The following CPNE1 variants were observed in gnomAD, a reference collection of about 807,000 sequenced individuals.
CPNE1 encodes the protein copine 1, also known as copine-1.
CPNE1 carries 58 observed loss-of-function variants against 63.2 expected under a neutral mutation model. That is an observed-to-expected ratio of 0.92 (90% confidence interval 0.74 to 1.14). The LOEUF is 1.14. Among genes scored for constraint, CPNE1 ranks in the 50% most tolerant of loss-of-function variants. CPNE1 has a pLI of 0.00. For missense variants in CPNE1, 672 were observed against 661.7 expected (o/e 1.02, Z -0.17); for synonymous variants, 237 against 249.0 (o/e 0.95, Z 0.45).
chr20:35,631,165 T>C lies in CPNE1; in HGVS notation c.810A>G (p.Thr270=), dbSNP rs1382566966. 1.9e-6 allele frequency: 3 copies of C among 1,613,968 alleles called. No individual in the cohort carries two copies. Among genetic ancestry groups the C allele is most frequent in the Non-Finnish European group, 2.5e-6 (3 of 1,179,956 alleles). The part of the protein sequence containing the change: ...TIRVKICRVE[T]EYSFLDYVMG... ...TCACATAGTCCAGAAAGGAGTACTC[T>C]GTTTCTACCTGCAAATGAAACCAGG... The change falls in exon 10 of 16, where the codon ACA becomes ACG. Residue 270 remains threonine (T), a synonymous_variant. Transcript: ENST00000397443.
chr20:35,651,692 C>T (rs964264376), intron 1 of CPNE1: 9 of 152,536 alleles, frequency 5.9e-5, no homozygotes, highest in Admixed American at 2.6e-4. Flanking sequence ...TTCTGGTTTT[C>T]GATACCATCC....
intron 1 of CPNE1, among the ~76,000 whole-genome samples, chr20:35,644,751 C>T (rs999780144): frequency 6.6e-6 from 1 of 152,186 alleles, no homozygotes; most frequent in African/African-American, 2.4e-5. Flanking sequence ...ATGGTCTCCC[C>T]TCATGATCTA....
chr20:35,643,573 T>C (rs2032940614), intron 1 of CPNE1: 1 of 151,952 alleles, frequency 6.6e-6, no homozygotes, highest in African/African-American at 2.4e-5. Context: ...TGAAACCCTG[T>C]CTCTACTAAA....
Position 35,626,075 on chromosome 20 carries a change from T to G in CPNE1, c.*166A>C. On this transcript the variant is annotated 3_prime_UTR_variant, in exon 16 of 16. Transcript: ENST00000397443. ...TTCACTGGTCTTTATTGAATGAGGG[T>G]TGTCAGGAGCAAAGGTGGGATCAAG... 2.7e-6 allele frequency: 2 copies of G among 738,654 alleles called. No individual in the cohort carries two copies. Among genetic ancestry groups the G allele is most frequent in the Non-Finnish European group, 4.8e-6 (2 of 420,434 alleles). The allele number at this position is 738,654 out of a possible 1,614,324, so 45.8% of individuals were successfully genotyped here. A position where few individuals can be genotyped will look rare whatever the true frequency, so the allele number is the denominator to read the frequency against.
chr20:35,654,460 A>C (rs2033762930), intron 1 of CPNE1: 3 of 1,614,088 alleles, frequency 1.9e-6, no homozygotes, highest in Non-Finnish European at 1.7e-6. Flanking sequence ...CTGAGAGTTC[A>C]TCTGGATAGG....
At chr20:35,654,964 G>C in intron 1 of CPNE1, 1 of 1,614,072 alleles carries the variant, frequency 6.2e-7, no homozygotes, top group Non-Finnish European at 8.5e-7. Flanking sequence ...TACTGTTGTG[G>C]GCAAGTTTAC....
chr20:35,638,756 T>C (rs2032633902), intron 1 of CPNE1, among the ~76,000 whole-genome samples: 1 of 152,290 alleles, frequency 6.6e-6, no homozygotes, highest in Non-Finnish European at 1.5e-5. Flanking sequence ...TTCATCAATA[T>C]GAGAACCAAT....
At chr20:35,631,647 C>A in intron 7 of CPNE1, 41 bp downstream of exon 7, 1 of 1,608,838 alleles carries the variant, frequency 6.2e-7, no homozygotes, top group Non-Finnish European at 8.5e-7. Flanking sequence ...TCCCCAGGTT[C>A]TCTTCTCCAG....
At chr20:35,655,002 TG>T (rs2033810727) in intron 1 of CPNE1, 1 of 1,614,112 alleles carries the variant, frequency 6.2e-7, no homozygotes. Context: ...AGCTAGGTGG[TG>T]GTCCTGATCT....
At chr20:35,663,486 TCA>T (rs1296230771) in intron 1 of CPNE1, among the ~76,000 whole-genome samples, 52 of 152,174 alleles carry the variant, frequency 3.4e-4, no homozygotes, top group Middle Eastern at 3.2e-3. Context: ...TCAGTTGCCA[TCA>T]CACTTTTTTC....
chr20:35,657,707 A>G (rs984510294), intron 1 of CPNE1, among the ~76,000 whole-genome samples: 7 of 152,248 alleles, frequency 4.6e-5, no homozygotes, highest in South Asian at 2.1e-4. Flanking sequence ...AGTGGAATAC[A>G]AGATTTATTC....
chr20:35,644,498 G>T (rs1244107111), intron 1 of CPNE1, among the ~76,000 whole-genome samples: 1 of 152,150 alleles, frequency 6.6e-6, no homozygotes, highest in African/African-American at 2.4e-5. Flanking sequence ...AAACCGAATG[G>T]CTAGGTTCAT....
rs1428709670 is a variant in CPNE1 at position 35,632,239 on chromosome 20, G to A, written c.385-5C>T. 6 of 1,613,906 alleles carry A rather than the reference G, an allele frequency of 3.7e-6. No individual in the cohort carries two copies. The highest frequency in any genetic ancestry group is 1.7e-5 in the Admixed American group (1 of 60,004). On this transcript the variant is annotated splice_region_variant and splice_polypyrimidine_tract_variant and intron_variant, in intron 4 of 15. Transcript: ENST00000397443. ...CTTTAATTCCTGAGCTGAGACCTAGGTAGGGGAGACTACATCACCTCATGA... is the reference window on the plus strand; with the variant it reads ...CTTTAATTCCTGAGCTGAGACCTAGATAGGGGAGACTACATCACCTCATGA...
intron 15 of CPNE1, 37 bp from the exon 16 acceptor site, chr20:35,626,418 A>G: frequency 6.2e-7 from 1 of 1,610,948 alleles, no homozygotes; most frequent in Non-Finnish European, 8.5e-7. Flanking sequence ...GTGGCCCAGA[A>G]CAGCTGCCCA....
At chr20:35,660,847 T>G (rs6058292) in intron 1 of CPNE1, among the ~76,000 whole-genome samples, 1 of 152,114 alleles carries the variant, frequency 6.6e-6, no homozygotes, top group Non-Finnish European at 1.5e-5. Flanking sequence ...ACTCAAAAGA[T>G]ACCGTATGTC....
chr20:35,661,981 T>C (rs2034253955), intron 1 of CPNE1, among the ~76,000 whole-genome samples: 1 of 152,132 alleles, frequency 6.6e-6, no homozygotes, highest in Admixed American at 6.5e-5. Flanking sequence ...AACAGTATAA[T>C]CACATTATAA....
intron 1 of CPNE1, among the ~76,000 whole-genome samples, chr20:35,663,901 T>C (rs1168302638): frequency 2.6e-5 from 4 of 152,040 alleles, no homozygotes; most frequent in Admixed American, 2.6e-4. Context: ...TAACTCTCCA[T>C]CAAAAGCACC....
chr20:35,626,506 C>T (rs2031751673), intron 15 of CPNE1, 61 bp downstream of exon 15: 2 of 1,595,452 alleles, frequency 1.3e-6, no homozygotes, highest in Admixed American at 3.3e-5. Flanking sequence ...GGGCCTCAAC[C>T]CTACTCACAT....
At chr20:35,647,482 A>C (rs896218508) in intron 1 of CPNE1, 1 of 151,998 alleles carries the variant, frequency 6.6e-6, no homozygotes. Flanking sequence ...GACAGAATTC[A>C]AGGGATTTGG....
Sources: gnomAD v4.1 joint callset for allele counts (sites outside exome capture counted in the v4.1 genomes callset) on GRCh38, gnomAD v4.1.1 for gene constraint, MANE v1.5 for transcripts, NCBI Gene and HGNC (gene_info 2026-07-23, HGNC 2026-07-21) for gene names.